Variants in MIPOL1 observed in about 807,000 individuals in gnomAD.
MIPOL1 encodes the protein mirror-image polydactyly 1, also known as mirror-image polydactyly gene 1 protein.
Under a neutral mutation model 60.9 loss-of-function variants are expected in MIPOL1, and 57 were observed. The observed-to-expected ratio is 0.94, with a 90% CI of 0.76 to 1.17. The LOEUF (loss-of-function observed/expected upper bound fraction) is 1.17. Among genes scored for constraint, MIPOL1 ranks in the 50% most tolerant of loss-of-function variants. MIPOL1 has a pLI of 0.00. For synonymous variants in MIPOL1, 179 were observed against 168.8 expected, an observed-to-expected ratio of 1.06 and a Z score of -0.47; for missense variants, 551 against 511.6, an observed-to-expected ratio of 1.08 and a Z score of -0.74.
intron 12 of MIPOL1, among the ~76,000 whole-genome samples, chr14:37,538,518 G>A (rs1157172948): frequency 6.6e-6 from 1 of 152,154 alleles, no homozygotes; most frequent in Non-Finnish European, 1.5e-5. Flanking sequence ...GGGAAAATGA[G>A]CTATATTTAC....
At chr14:37,209,905 C>A (rs2139276805) in intron 1 of MIPOL1, among the ~76,000 whole-genome samples, 1 of 150,986 alleles carries the variant, frequency 6.6e-6, no homozygotes, top group South Asian at 2.1e-4. Context: ...GACATGAGGT[C>A]CCCCTGTGTT....
chr14:37,489,056 G>A (rs533040683), intron 11 of MIPOL1, among the ~76,000 whole-genome samples: 3 of 152,062 alleles, frequency 2.0e-5, no homozygotes, highest in African/African-American at 4.8e-5. Context: ...TCCATTCTCC[G>A]CATCACTTTC....
At chr14:37,273,756 G>A (rs2083456951) in intron 6 of MIPOL1, among the ~76,000 whole-genome samples, 2 of 151,074 alleles carry the variant, frequency 1.3e-5, no homozygotes. Flanking sequence ...CTCTACCGTT[G>A]GGCACGTTTT....
intron 11 of MIPOL1, among the ~76,000 whole-genome samples, chr14:37,426,444 C>T (rs2153554939): frequency 6.6e-6 from 1 of 151,008 alleles, no homozygotes; most frequent in African/African-American, 2.4e-5. Context: ...TGGCGGACAC[C>T]TGTAATCCCA....
chr14:37,262,869 G>A (rs2082609666), intron 3 of MIPOL1, among the ~76,000 whole-genome samples: 2 of 152,008 alleles, frequency 1.3e-5, no homozygotes, highest in African/African-American at 2.4e-5. Flanking sequence ...CCCCCCAGGG[G>A]ACCATCAAAT....
intron 1 of MIPOL1, among the ~76,000 whole-genome samples, chr14:37,210,625 C>T (rs1422841556): frequency 1.3e-5 from 2 of 151,986 alleles, no homozygotes; most frequent in East Asian, 1.9e-4. Context: ...TTTGCTGACA[C>T]GTGATGAAAT....
chr14:37,402,470 G>C (rs1246448531), intron 10 of MIPOL1, among the ~76,000 whole-genome samples: 2 of 152,168 alleles, frequency 1.3e-5, no homozygotes. Flanking sequence ...AAATAGGAAA[G>C]GCATGCTGAA....
chr14:37,447,323 C>T (rs2094352869), intron 11 of MIPOL1, among the ~76,000 whole-genome samples: 1 of 152,056 alleles, frequency 6.6e-6, no homozygotes, highest in African/African-American at 2.4e-5. Context: ...ACCTAATATA[C>T]TATCTGGCTG....
chr14:37,303,373 C>G (rs2153429954), intron 7 of MIPOL1, among the ~76,000 whole-genome samples: 1 of 151,878 alleles, frequency 6.6e-6, no homozygotes, highest in South Asian at 2.1e-4. Context: ...ATCCCTTATT[C>G]TGATCAGTGT....
intron 11 of MIPOL1, among the ~76,000 whole-genome samples, chr14:37,497,831 A>G (rs560414399): frequency 6.6e-6 from 1 of 152,316 alleles, no homozygotes; most frequent in African/African-American, 2.4e-5. Context: ...TGGGAGTACA[A>G]ATTGGTACAA....
At chr14:37,248,822 G>A (rs1409166900) in intron 3 of MIPOL1, among the ~76,000 whole-genome samples, 1 of 151,956 alleles carries the variant, frequency 6.6e-6, no homozygotes, top group Non-Finnish European at 1.5e-5. Context: ...AATAAATTAA[G>A]ACACATATAT....
chr14:37,210,536 T>C (rs1359858727), intron 1 of MIPOL1, among the ~76,000 whole-genome samples: 3 of 152,156 alleles, frequency 2.0e-5, no homozygotes, highest in South Asian at 4.1e-4. Context: ...ACTAGCCAAG[T>C]AGATGGACTC....
At chr14:37,403,432 CT>C (rs11415779) in intron 10 of MIPOL1, among the ~76,000 whole-genome samples, 212 of 94,120 alleles carry the variant, frequency 2.3e-3, no homozygotes, top group African/African-American at 8.2e-3. Context: ...AGGTTTCTAG[CT>C]TTTTTTTTTT....
At chr14:37,285,199 A>G in intron 6 of MIPOL1, 119 bp from the exon 7 acceptor site, 3 of 969,738 alleles carry the variant, frequency 3.1e-6, no homozygotes, top group Non-Finnish European at 4.5e-6. Flanking sequence ...GATTGATATT[A>G]ATTCAGTTTA....
At chr14:37,538,287 G>T in intron 12 of MIPOL1, among the ~76,000 whole-genome samples, 1 of 152,160 alleles carries the variant, frequency 6.6e-6, no homozygotes, top group East Asian at 1.9e-4. Flanking sequence ...AAAAGATCAA[G>T]AAATGATTGC....
At chr14:37,458,812 G>A (rs751452510) in intron 11 of MIPOL1, among the ~76,000 whole-genome samples, 44 of 151,732 alleles carry the variant, frequency 2.9e-4, no homozygotes, top group Middle Eastern at 3.4e-3. Context: ...AGATTGTGCC[G>A]CTGCACTCCA....
intron 7 of MIPOL1, among the ~76,000 whole-genome samples, chr14:37,292,677 C>T (rs759117616): frequency 5.3e-5 from 8 of 151,882 alleles, no homozygotes; most frequent in African/African-American, 7.2e-5. Flanking sequence ...GATGGGGTTT[C>T]GCCATGTTGA....
intron 11 of MIPOL1, among the ~76,000 whole-genome samples, chr14:37,478,568 A>G (rs907482282): frequency 6.6e-6 from 1 of 152,182 alleles, no homozygotes; most frequent in African/African-American, 2.4e-5. Flanking sequence ...TTTACTATCA[A>G]TAATTACCAT....
At chr14:37,343,870 T>C (rs2090751779) in intron 9 of MIPOL1, among the ~76,000 whole-genome samples, 1 of 152,138 alleles carries the variant, frequency 6.6e-6, no homozygotes, top group Non-Finnish European at 1.5e-5. Flanking sequence ...TTTCTGTTTG[T>C]TTTCAGTGAC....
Sources: allele counts gnomAD v4.1 joint callset (sites outside exome capture counted in the v4.1 genomes callset), GRCh38; gene constraint gnomAD v4.1.1; transcripts MANE v1.5; gene names NCBI Gene and HGNC (gene_info 2026-07-23, HGNC 2026-07-21).